The following CCNT2 variants were observed in gnomAD, a reference collection of about 807,000 sequenced individuals.
The protein encoded by CCNT2 is cyclin T2, also known as cyclin-T2.
A neutral mutation model predicts 70.0 loss-of-function variants in CCNT2; 18 were observed. That is an observed-to-expected ratio of 0.26 (90% CI 0.18 to 0.38). The LOEUF is 0.38. CCNT2 is among the 10% of genes least tolerant of loss of function. The pLI is 1.00. For missense variants in CCNT2, 734 were observed against 890.2 expected (o/e 0.82, Z 2.23); for synonymous variants, 334 against 313.3 (o/e 1.07, Z -0.70).
At chr2:134,946,253 A>T in intron 6 of CCNT2, 107 bp downstream of exon 6, 1 of 1,361,476 alleles carries the variant, frequency 7.3e-7, no homozygotes, top group Non-Finnish European at 1.0e-6. Flanking sequence ...AGGAGACTGG[A>T]CCATCTACTG....
intron 2 of CCNT2, among the ~76,000 whole-genome samples, chr2:134,923,680 C>G (rs190877618): frequency 5.9e-5 from 9 of 152,328 alleles, no homozygotes; most frequent in African/African-American, 2.2e-4. Context: ...TAAGATCTCA[C>G]TATGCCAGGC....
Position 134,925,344 on chromosome 2 carries a change from C to T in CCNT2, c.240+5453C>T, listed in dbSNP as rs1245584401. 3.3e-5 allele frequency among the ~76,000 whole-genome samples: 5 copies of T among 152,212 alleles called. No individual in the cohort carries two copies. In the South Asian group the frequency reaches 6.2e-4, roughly 19 times the overall value. ...TATAATTCACATATTGTACATTTCA[C>T]CCATTGAAAGTATGATTCCGTGGGG... On this transcript the variant is annotated intron_variant, in intron 2 of 8. Coordinates refer to ENST00000264157, the MANE Select transcript of CCNT2 (RefSeq NM_058241.3).
At chr2:134,923,613 A>T (rs2105013119) in intron 2 of CCNT2, among the ~76,000 whole-genome samples, 1 of 152,382 alleles carries the variant, frequency 6.6e-6, no homozygotes, top group Middle Eastern at 3.4e-3. Flanking sequence ...TGAGACGATT[A>T]GCCTAGATGA....
At chr2:134,951,688 A>G (rs1015598120) in intron 7 of CCNT2, among the ~76,000 whole-genome samples, 5 of 152,314 alleles carry the variant, frequency 3.3e-5, no homozygotes, top group Non-Finnish European at 1.5e-5. Context: ...TATTTAACAA[A>G]AAAAAGAAAG....
chr2:134,958,512 G>C lies in CCNT2; in HGVS notation c.*3864G>C, dbSNP rs1182582750. 3.3e-5 allele frequency: 5 copies of C among 152,104 alleles called. No individual in the cohort carries two copies. Among genetic ancestry groups the C allele is most frequent in the Admixed American group, 1.3e-4 (2 of 15,256 alleles). 9.4% of individuals were successfully genotyped at this position (152,104 alleles called of 1,614,324 possible). On this transcript the variant is annotated 3_prime_UTR_variant, in exon 9 of 9. Coordinates refer to ENST00000264157, the MANE Select transcript of CCNT2 (RefSeq NM_058241.3). ...CCCTAAGATGGACTTATTTAGATAG[G>C]GATTTTTGCATTGGAAAAGCAGCAC...
chr2:134,931,983 TTTTTTTCA>T (rs1680807135), intron 2 of CCNT2, among the ~76,000 whole-genome samples: 1 of 152,030 alleles, frequency 6.6e-6, no homozygotes, highest in African/African-American at 2.4e-5. Flanking sequence ...TATAAGTTGG[TTTTTTTCA>T]TTTTTTCTTT....
intron 7 of CCNT2, among the ~76,000 whole-genome samples, chr2:134,948,148 T>C (rs1346088750): frequency 6.6e-6 from 1 of 151,820 alleles, no homozygotes; most frequent in Non-Finnish European, 1.5e-5. Context: ...AGACCCTGTC[T>C]CTACAAAAAA....
chr2:134,944,186 C>T (rs1681783070), intron 5 of CCNT2: 1 of 982,672 alleles, frequency 1.0e-6, no homozygotes, highest in Non-Finnish European at 1.2e-6. Context: ...CTGAATATTA[C>T]AGTATAGCAT....
chr2:134,943,730 C>T, intron 5 of CCNT2: 1 of 984,984 alleles, frequency 1.0e-6, no homozygotes, highest in East Asian at 1.1e-4. Flanking sequence ...GCATGTTGTT[C>T]TGCTTCTTAC....
At chr2:134,932,087 C>A (rs1169326252) in intron 2 of CCNT2, among the ~76,000 whole-genome samples, 2 of 151,878 alleles carry the variant, frequency 1.3e-5, no homozygotes, top group Non-Finnish European at 2.9e-5. Flanking sequence ...CAGGTTCAAG[C>A]GATTCCCCTG....
rs1682851696 is a variant in CCNT2, at chr2:134,955,110, G to C, written c.*462G>C. On this transcript the variant is annotated 3_prime_UTR_variant, in exon 9 of 9. Transcript: ENST00000264157. ...ACAGTATACTGACAACTGTTTACAAGAAAGTGGAGAAAAATGTACATACAT... is the reference window on the plus strand; with the variant it reads ...ACAGTATACTGACAACTGTTTACAACAAAGTGGAGAAAAATGTACATACAT... 6.4e-6 allele frequency: 1 copy of C among 157,070 alleles called. No individual in the cohort carries two copies. The highest frequency in any genetic ancestry group is 1.9e-4 in the South Asian group (1 of 5,266). The allele number at this position is 157,070 out of a possible 1,614,324, so 9.7% of individuals were successfully genotyped here. A position where few individuals can be genotyped will look rare whatever the true frequency, so the allele number is the denominator to read the frequency against.
intron 6 of CCNT2, chr2:134,946,580 AT>A: frequency 4.7e-6 from 1 of 213,304 alleles, no homozygotes; most frequent in Non-Finnish European, 8.1e-6. Flanking sequence ...AATAAATAAA[AT>A]TTATGTAATT....
At chr2:134,946,916 T>C (rs1483662934) in intron 6 of CCNT2, among the ~76,000 whole-genome samples, 1 of 152,206 alleles carries the variant, frequency 6.6e-6, no homozygotes, top group Non-Finnish European at 1.5e-5. Flanking sequence ...TGGTCCCTAA[T>C]TTCTTGTGAC....
intron 2 of CCNT2, among the ~76,000 whole-genome samples, chr2:134,923,125 A>G (rs1413752548): frequency 6.6e-6 from 1 of 152,128 alleles, no homozygotes; most frequent in East Asian, 1.9e-4. Flanking sequence ...TACTAAAAAT[A>G]TAAAAATTAG....
chr2:134,925,377 GT>G (rs1443001883), intron 2 of CCNT2, among the ~76,000 whole-genome samples: 1 of 151,922 alleles, frequency 6.6e-6, no homozygotes, highest in Admixed American at 6.6e-5. Flanking sequence ...GGGTTTGTGG[GT>G]TTTTTTAAGA....
At chr2:134,937,925 T>A (rs1203339549) in intron 3 of CCNT2, among the ~76,000 whole-genome samples, 2 of 151,472 alleles carry the variant, frequency 1.3e-5, no homozygotes, top group African/African-American at 4.9e-5. Context: ...AAAAAAAAAA[T>A]TTTTTTTTCT....
intron 4 of CCNT2, among the ~76,000 whole-genome samples, chr2:134,940,431 A>T (rs78697654): frequency 6.6e-6 from 1 of 151,924 alleles, no homozygotes; most frequent in African/African-American, 2.4e-5. Context: ...GCCATAAAAT[A>T]TACATAAATC....
intron 2 of CCNT2, among the ~76,000 whole-genome samples, chr2:134,923,332 GTTCAT>G (rs964279166): frequency 5.9e-5 from 9 of 151,952 alleles, no homozygotes; most frequent in African/African-American, 2.2e-4. Flanking sequence ...TTTTTCTCCT[GTTCAT>G]TTCAATTCAT....
intron 2 of CCNT2, among the ~76,000 whole-genome samples, chr2:134,933,866 C>T (rs1052590239): frequency 1.3e-5 from 2 of 152,124 alleles, no homozygotes; most frequent in Admixed American, 6.5e-5. Context: ...TTAATCCTCA[C>T]ACAACTTTAC....
Sources: allele counts gnomAD v4.1 joint callset (sites outside exome capture counted in the v4.1 genomes callset), GRCh38; gene constraint gnomAD v4.1.1; transcripts MANE v1.5; gene names NCBI Gene and HGNC (gene_info 2026-07-23, HGNC 2026-07-21).